The following RGL1 variants were observed in gnomAD, a reference collection of about 807,000 sequenced individuals.
The protein encoded by RGL1 is ral guanine nucleotide dissociation stimulator-like 1.
In RGL1, 24 loss-of-function variants were observed where a neutral mutation model predicts 95.2. The observed-to-expected ratio is 0.25, with a 90% CI of 0.18 to 0.35. RGL1 has a LOEUF of 0.35. Ranked by LOEUF, RGL1 falls within the 10% of genes least tolerant of loss-of-function variation. RGL1 has a pLI of 1.00. For synonymous variants in RGL1, 329 were observed against 344.9 expected (o/e 0.95, Z 0.51); for missense variants, 715 against 936.3 (o/e 0.76, Z 3.08).
At chr1:183,669,106 C>T (rs1273739693) in intron 1 of RGL1, among the ~76,000 whole-genome samples, 1 of 151,944 alleles carries the variant, frequency 6.6e-6, no homozygotes, top group Non-Finnish European at 1.5e-5. Flanking sequence ...CCATGCCCGG[C>T]TAATTTTTTG....
chr1:183,879,409 C>T (rs1343741267), intron 4 of RGL1, among the ~76,000 whole-genome samples: 1 of 152,182 alleles, frequency 6.6e-6, no homozygotes, highest in African/African-American at 2.4e-5. Flanking sequence ...TGGGTAATAA[C>T]TTAGTCCAGT....
At chr1:183,816,138 CG>C (rs1558224343) in intron 2 of RGL1, among the ~76,000 whole-genome samples, 1 of 152,132 alleles carries the variant, frequency 6.6e-6, no homozygotes, top group African/African-American at 2.4e-5. Context: ...CATTATTCCT[CG>C]GGCTCCAACA....
chr1:183,898,576 GT>G (rs1368886527), intron 10 of RGL1, among the ~76,000 whole-genome samples: 1 of 152,166 alleles, frequency 6.6e-6, no homozygotes, highest in Non-Finnish European at 1.5e-5. Context: ...CTTTAAGAGG[GT>G]TTTCTCTTTC....
chr1:183,846,684 A>G (rs1053364459), intron 2 of RGL1, among the ~76,000 whole-genome samples: 1 of 152,130 alleles, frequency 6.6e-6, no homozygotes, highest in Non-Finnish European at 1.5e-5. Flanking sequence ...GTTCAAGACC[A>G]GCCTGGCCAA....
chr1:183,805,219 G>A lies in RGL1; in HGVS notation c.-79G>A, dbSNP rs1055814483. 5 of 1,579,550 alleles carry A rather than the reference G, an allele frequency of 3.2e-6. No individual in the cohort carries two copies. The African/African-American group carries it at 6.7e-5, about 21-fold the overall frequency. On this transcript the variant is annotated 5_prime_UTR_variant, in exon 1 of 18. Coordinates refer to ENST00000360851, the MANE Select transcript of RGL1 (RefSeq NM_001297671.3). ...CGGGACCGGGGCGAGGCGCCGCGGG[G>A]CTGAGCCCAGCAGACATTGCGTTGG...
intron 17 of RGL1, among the ~76,000 whole-genome samples, chr1:183,924,802 A>G (rs1669521979): frequency 1.3e-5 from 1 of 74,188 alleles, no homozygotes; most frequent in African/African-American, 6.0e-5. Context: ...AAAAATACAA[A>G]AAAAAAAAAA....
chr1:183,849,482 A>AATTTTTTTTTTTTTTT (rs150367802), intron 3 of RGL1, among the ~76,000 whole-genome samples: 2 of 99,360 alleles, frequency 2.0e-5, no homozygotes, highest in Non-Finnish European at 1.9e-5. Flanking sequence ...TCCAGTTTTT[A>AATTTTTTTTTTTTTTT]GTTTTTTTTT....
rs1385653493 is a variant in RGL1 at position 183,880,041 on chromosome 1, A to G, written c.426-575A>G. Reference sequence around the variant, plus strand: ...ACCTACTGTTTCTGCTACTTGAAACATATTCCTCTCATTGTAATTTGAGAA... The same window carrying G: ...ACCTACTGTTTCTGCTACTTGAAACGTATTCCTCTCATTGTAATTTGAGAA... On this transcript the variant is annotated intron_variant, in intron 4 of 17. Transcript: ENST00000360851. Among the ~76,000 whole-genome samples the G allele has an allele frequency of 2.0e-5, 3 of 152,248 alleles. No homozygotes were observed. The East Asian group carries it at 5.8e-4, about 29-fold the overall frequency.
In RGL1 at chr1:183,866,087, T is replaced by C; in HGVS notation, c.425+14T>C. The stretch of plus-strand genomic sequence containing the variant: ...GGTGATCAGGAAGTGAGTCTCCCTT[T>C]TCTTTGCATTCTAAGCTCTCAGTCA... On this transcript the variant is annotated intron_variant, in intron 4 of 17. Coordinates refer to ENST00000360851, the MANE Select transcript of RGL1 (RefSeq NM_001297671.3). 4.4e-6 allele frequency: 7 copies of C among 1,583,570 alleles called. No individual in the cohort carries two copies. Among genetic ancestry groups the C allele is most frequent in the Non-Finnish European group, 6.1e-6 (7 of 1,152,270 alleles).
chr1:183,894,463 T>C (rs770041973), intron 9 of RGL1, among the ~76,000 whole-genome samples: 28 of 152,368 alleles, frequency 1.8e-4, no homozygotes, highest in Middle Eastern at 3.4e-3. Flanking sequence ...GTGAAATGCT[T>C]TGGGCAGTCC....
chr1:183,698,107 T>C (rs1359883803), intron 1 of RGL1, among the ~76,000 whole-genome samples: 1 of 152,254 alleles, frequency 6.6e-6, no homozygotes, highest in Non-Finnish European at 1.5e-5. Context: ...TTTGTTTATT[T>C]TTTTCAACTC....
intron 1 of RGL1, among the ~76,000 whole-genome samples, chr1:183,722,926 A>C (rs1558172556): frequency 6.6e-6 from 1 of 152,216 alleles, no homozygotes; most frequent in South Asian, 2.1e-4. Context: ...TAATTTCATC[A>C]TTTAAAAAAT....
chr1:183,811,767 G>A (rs1247168041), intron 2 of RGL1, among the ~76,000 whole-genome samples: 1 of 152,084 alleles, frequency 6.6e-6, no homozygotes, highest in African/African-American at 2.4e-5. Context: ...CCAATCCAGG[G>A]AATACTCAGC....
At chr1:183,865,921 TAGTTGA>T (rs1274633722) in intron 3 of RGL1, 69 bp from the exon 4 acceptor site, 2 of 927,034 alleles carry the variant, frequency 2.2e-6, no homozygotes, top group African/African-American at 3.3e-5. Context: ...TGTCACTTTG[TAGTTGA>T]AGTTGAATAG....
chr1:183,663,242 C>T (rs1340584679), intron 1 of RGL1, among the ~76,000 whole-genome samples: 2 of 151,914 alleles, frequency 1.3e-5, no homozygotes, highest in African/African-American at 4.8e-5. Flanking sequence ...AGTTTTTGCA[C>T]AGCAAAAGAA....
At chr1:183,847,544 T>TA in intron 2 of RGL1, 22 bp from the exon 3 acceptor site, 1 of 1,596,490 alleles carries the variant, frequency 6.3e-7, no homozygotes, top group South Asian at 1.1e-5. Flanking sequence ...CTCCTTATGG[T>TA]AATTGTTAAT....
At chr1:183,902,481 G>A in intron 11 of RGL1, 87 bp from the exon 12 acceptor site, 1 of 1,036,294 alleles carries the variant, frequency 9.6e-7, no homozygotes, top group Non-Finnish European at 1.4e-6. Flanking sequence ...TCACCCCTTT[G>A]ATCTATTTTA....
chr1:183,880,903 C>A (rs1345391185), intron 5 of RGL1, 103 bp downstream of exon 5: 2 of 1,034,482 alleles, frequency 1.9e-6, no homozygotes, highest in African/African-American at 3.2e-5. Flanking sequence ...AACCTTGGTA[C>A]CCTCAAAACA....
At chr1:183,854,375 C>T (rs113061467) in intron 3 of RGL1, among the ~76,000 whole-genome samples, 3,306 of 152,166 alleles carry the variant, frequency 0.022, 58 homozygotes, top group African/African-American at 0.048. Context: ...TGAGAGAGCA[C>T]GGGTGGATTT....
Sources: gnomAD v4.1 joint callset for allele counts (sites outside exome capture counted in the v4.1 genomes callset) on GRCh38, gnomAD v4.1.1 for gene constraint, MANE v1.5 for transcripts, NCBI Gene and HGNC (gene_info 2026-07-23, HGNC 2026-07-21) for gene names.